TCEA3: variants seen among roughly 807,000 people sequenced by gnomAD.
TCEA3 encodes transcription elongation factor A protein 3.
A neutral mutation model predicts 44.0 loss-of-function variants in TCEA3; 36 were observed. The observed-to-expected ratio is 0.82, with a 90% CI of 0.63 to 1.08. The LOEUF (loss-of-function observed/expected upper bound fraction) is 1.08, where lower values mean the gene tolerates loss of function less well. Among genes scored for constraint, TCEA3 ranks in the 50% least tolerant of loss-of-function variants. TCEA3 has a pLI of 0.00. For synonymous variants in TCEA3, 162 were observed against 159.7 expected (o/e 1.01, Z -0.11); for missense variants, 392 against 441.2 (o/e 0.89, Z 1.00).
intron 3 of TCEA3, 46 bp downstream of exon 3, chr1:23,417,858 G>A (rs1469821119): frequency 1.9e-6 from 3 of 1,574,722 alleles, no homozygotes; most frequent in Non-Finnish European, 2.6e-6. Context: ...CCTGTCCCAA[G>A]TGCTAGGAGA....
At chr1:23,419,395 T>G in intron 1 of TCEA3, 1 of 332,104 alleles carries the variant, frequency 3.0e-6, no homozygotes, top group Non-Finnish European at 5.4e-6. Context: ...GCTGTGCCTC[T>G]CCCCAGGAAT....
At chr1:23,382,395 C>T (rs183047043) in intron 10 of TCEA3, among the ~76,000 whole-genome samples, 122 of 152,160 alleles carry the variant, frequency 8.0e-4, no homozygotes, top group Middle Eastern at 3.4e-3. Context: ...AGTGACTTGC[C>T]CAAACTCCCG....
intron 7 of TCEA3, among the ~76,000 whole-genome samples, chr1:23,397,027 A>AG (rs1639237224): frequency 6.9e-6 from 1 of 145,630 alleles, no homozygotes; most frequent in Non-Finnish European, 1.5e-5. Flanking sequence ...AAAAAAAAAA[A>AG]GGGCGCTGTT....
intron 1 of TCEA3, among the ~76,000 whole-genome samples, chr1:23,420,327 G>A (rs1367121607): frequency 2.6e-5 from 4 of 152,148 alleles, no homozygotes; most frequent in East Asian, 1.9e-4. Flanking sequence ...CTGCAGCTTC[G>A]ACTTTCCAGG....
intron 7 of TCEA3, 31 bp from the exon 8 acceptor site, chr1:23,394,064 A>G (rs896784107): frequency 1.9e-6 from 3 of 1,612,814 alleles, no homozygotes; most frequent in African/African-American, 1.3e-5. Context: ...CCAGCCATTC[A>G]TGGAGGGGCA....
At chr1:23,399,625 A>C (rs1186619951) in intron 5 of TCEA3, among the ~76,000 whole-genome samples, 1 of 152,002 alleles carries the variant, frequency 6.6e-6, no homozygotes, top group Non-Finnish European at 1.5e-5. Context: ...CCTATTTGCT[A>C]AATCTTCTAT....
intron 5 of TCEA3, among the ~76,000 whole-genome samples, chr1:23,402,269 G>A (rs538214606): frequency 6.6e-6 from 1 of 152,316 alleles, no homozygotes; most frequent in East Asian, 1.9e-4. Context: ...GAACCCGGGA[G>A]GTGGAGGCTG....
chr1:23,407,458 C>T (rs376744612), intron 5 of TCEA3, among the ~76,000 whole-genome samples: 7 of 152,228 alleles, frequency 4.6e-5, no homozygotes, highest in East Asian at 1.9e-4. Flanking sequence ...CCCTCCCCTT[C>T]GCTTAAACTG....
At chr1:23,389,937 A>C (rs1638970126) in intron 8 of TCEA3, among the ~76,000 whole-genome samples, 1 of 152,210 alleles carries the variant, frequency 6.6e-6, no homozygotes, top group Non-Finnish European at 1.5e-5. Context: ...ACGGATTCAG[A>C]AAGGAAGATC....
chr1:23,398,723 C>T (rs1487179420), intron 5 of TCEA3, among the ~76,000 whole-genome samples: 1 of 152,104 alleles, frequency 6.6e-6, no homozygotes, highest in Non-Finnish European at 1.5e-5. Context: ...GATTTGAATC[C>T]ACATCTGTCT....
chr1:23,424,512 CTTGCCCGCGCCTCCCGGGG>C, intron 1 of TCEA3, 34 bp downstream of exon 1: 1 of 1,531,380 alleles, frequency 6.5e-7, no homozygotes, highest in Non-Finnish European at 8.9e-7. Context: ...GAATCCGGGG[CTTGCCCGCGCCTCCCGGGG>C]GCGGGGGCCG....
intron 8 of TCEA3, among the ~76,000 whole-genome samples, chr1:23,390,159 G>A (rs1638976977): frequency 6.6e-6 from 1 of 152,124 alleles, no homozygotes; most frequent in Admixed American, 6.6e-5. Context: ...GGTGGGTGGT[G>A]GCACATTCCA....
In TCEA3 at chr1:23,393,862, A is replaced by C; in HGVS notation, c.819+17T>G. On this transcript the variant is annotated intron_variant, in intron 8 of 10. Coordinates refer to ENST00000450454, the MANE Select transcript of TCEA3 (RefSeq NM_003196.3). The stretch of plus-strand genomic sequence containing the variant: ...GACCTGGCTTCCTGCCTCACCATGC[A>C]GATGCCCTGCTCTCACCTCTGCCGT... 1 of 1,611,086 alleles carries C rather than the reference A, an allele frequency of 6.2e-7. No homozygotes were observed.
chr1:23,384,416 A>G lies in TCEA3; in HGVS notation c.968T>C (p.Val323Ala). The change falls in exon 10 of 11, where the codon GTG (valine) becomes GCG (alanine). Residue 323 changes from valine (V) to alanine (A), a missense_variant and splice_region_variant. By Grantham distance (64) the Val-to-Ala change is moderately conservative. Coordinates refer to ENST00000450454, the MANE Select transcript of TCEA3 (RefSeq NM_003196.3). Reference sequence around the variant, plus strand: ...GGGCTCATCAGCACTGCGTGTCTGCACCTGAGAGAGAGAAGAACCACTCAT... The same window carrying G: ...GGGCTCATCAGCACTGCGTGTCTGCGCCTGAGAGAGAGAAGAACCACTCAT... ...CKKKNCTYNQ[V>A]QTRSADEPMT... 6.2e-7 allele frequency: 1 copy of G among 1,612,554 alleles called. No homozygotes were observed. The highest frequency in any genetic ancestry group is 8.5e-7 in the Non-Finnish European group (1 of 1,179,228).
chr1:23,404,086 G>A, intron 5 of TCEA3: 1 of 702,232 alleles, frequency 1.4e-6, no homozygotes, highest in Non-Finnish European at 2.6e-6. Context: ...CTGAGTAGAG[G>A]CATCTGGAGG....
chr1:23,400,369 C>T (rs1639362586), intron 5 of TCEA3, among the ~76,000 whole-genome samples: 1 of 88,164 alleles, frequency 1.1e-5, no homozygotes, highest in Admixed American at 1.3e-4. Flanking sequence ...GCCGCCACAC[C>T]AGGCTTTTTT....
intron 10 of TCEA3, chr1:23,383,436 T>C (rs543464678): frequency 4.4e-5 from 42 of 949,212 alleles, no homozygotes; most frequent in Middle Eastern, 5.4e-4. Context: ...ATTCTTGTAG[T>C]TGTTTGCAAA....
Position 23,384,384 on chromosome 1 carries a change from T to C in TCEA3, c.1000A>G (p.Thr334Ala). The stretch of plus-strand genomic sequence containing the variant: ...CCACATTCATTGCATAAGACAAAGG[T>C]AGTCATGGGCTCATCAGCACTGCGT... ...QTRSADEPMT[T>A]FVLCNECGNR... The change falls in exon 10 of 11, where the codon ACC becomes GCC. Residue 334 changes from threonine (T) to alanine (A), a missense_variant. Physicochemically the swap from Thr to Ala is moderately conservative, Grantham distance 58. Transcript: ENST00000450454. 2 of 1,613,704 alleles carry C rather than the reference T, an allele frequency of 1.2e-6. No homozygotes were observed. Among genetic ancestry groups the C allele is most frequent in the Non-Finnish European group, 1.7e-6 (2 of 1,179,806 alleles).
At chr1:23,392,042 T>C (rs1396186317) in intron 8 of TCEA3, among the ~76,000 whole-genome samples, 4 of 152,280 alleles carry the variant, frequency 2.6e-5, no homozygotes, top group African/African-American at 7.2e-5. Context: ...TAAAGCCAAG[T>C]TGCAATTTAT....
Sources: gnomAD v4.1 joint callset for allele counts (sites outside exome capture counted in the v4.1 genomes callset) on GRCh38, gnomAD v4.1.1 for gene constraint, MANE v1.5 for transcripts, NCBI Gene and HGNC (gene_info 2026-07-23, HGNC 2026-07-21) for gene names.